The following MPPED1 variants were observed in gnomAD, a reference collection of about 807,000 sequenced individuals.
MPPED1 encodes the protein metallophosphoesterase domain-containing protein 1.
A neutral mutation model predicts 36.2 loss-of-function variants in MPPED1; 16 were observed. The observed-to-expected ratio is 0.44, with a 90% CI of 0.30 to 0.67. The LOEUF (loss-of-function observed/expected upper bound fraction) is 0.67. MPPED1 is among the 30% of genes least tolerant of loss of function. The probability of loss-of-function intolerance (pLI) is 0.10; values close to 1 mark genes in which losing one functional copy is unlikely to be tolerated. For synonymous variants in MPPED1, 199 were observed against 191.3 expected (o/e 1.04, Z -0.33); for missense variants, 307 against 453.4 (o/e 0.68, Z 2.93).
intron 4 of MPPED1, among the ~76,000 whole-genome samples, chr22:43,494,049 T>C (rs1351410696): frequency 2.0e-5 from 3 of 152,142 alleles, no homozygotes; most frequent in Non-Finnish European, 2.9e-5. Flanking sequence ...GCTGCTTTAT[T>C]TTGAGACAGG....
intron 2 of MPPED1, among the ~76,000 whole-genome samples, chr22:43,433,542 G>A (rs184469065): frequency 1.3e-5 from 2 of 150,756 alleles, no homozygotes; most frequent in African/African-American, 4.9e-5. Flanking sequence ...TCCTCCCAGC[G>A]TAGACCAGCT....
At chr22:43,433,760 GAAA>G (rs135072) in intron 2 of MPPED1, among the ~76,000 whole-genome samples, 5 of 149,924 alleles carry the variant, frequency 3.3e-5, no homozygotes, top group African/African-American at 9.8e-5. Flanking sequence ...TATATTGTCT[GAAA>G]AAAAAAAAAG....
intron 4 of MPPED1, among the ~76,000 whole-genome samples, chr22:43,483,343 G>A (rs1931808859): frequency 6.6e-6 from 1 of 152,240 alleles, no homozygotes; most frequent in Non-Finnish European, 1.5e-5. Context: ...AGCTGTCACT[G>A]CAGATGGGTG....
chr22:43,500,224 TGGA>T (rs1322235900), intron 5 of MPPED1, among the ~76,000 whole-genome samples: 6 of 90,004 alleles, frequency 6.7e-5, no homozygotes, highest in Non-Finnish European at 9.0e-5. Flanking sequence ...GGGGTGATGG[TGGA>T]GGTGGTGATG....
At chr22:43,492,894 T>A (rs964636675) in intron 4 of MPPED1, among the ~76,000 whole-genome samples, 1 of 152,152 alleles carries the variant, frequency 6.6e-6, no homozygotes, top group Non-Finnish European at 1.5e-5. Context: ...GGGGGATCGG[T>A]TTCAGCTTTG....
chr22:43,500,200 T>TGGTG (rs1569091709), intron 5 of MPPED1, among the ~76,000 whole-genome samples: 19 of 48,836 alleles, frequency 3.9e-4, no homozygotes, highest in South Asian at 1.8e-3. Context: ...ATGGAGGTGG[T>TGGTG]AATGGAGGTG....
chr22:43,444,282 GTGT>G (rs1930255026), intron 3 of MPPED1, among the ~76,000 whole-genome samples: 18 of 13,608 alleles, frequency 1.3e-3, no homozygotes, highest in African/African-American at 1.7e-3. Flanking sequence ...CCACTGGGGT[GTGT>G]GTGTGTGTGT....
At chr22:43,444,447 A>G (rs1014946805) in intron 3 of MPPED1, among the ~76,000 whole-genome samples, 2 of 144,472 alleles carry the variant, frequency 1.4e-5, no homozygotes, top group African/African-American at 5.1e-5. Flanking sequence ...GCTCACTGCA[A>G]CCTCCCCCTC....
intron 1 of MPPED1, 69 bp downstream of exon 1, chr22:43,412,227 C>G (rs1388418595): frequency 1.1e-6 from 1 of 880,954 alleles, no homozygotes; most frequent in Non-Finnish European, 1.4e-6. Flanking sequence ...CGGCCGGGAC[C>G]CTCTCCAGGC....
intron 1 of MPPED1, among the ~76,000 whole-genome samples, chr22:43,412,640 A>G (rs1452178249): frequency 6.8e-6 from 1 of 147,804 alleles, no homozygotes; most frequent in East Asian, 2.0e-4. Flanking sequence ...AACTTCATCC[A>G]TTTCCTTCCA....
At chr22:43,441,396 A>C (rs1930144092) in intron 3 of MPPED1, among the ~76,000 whole-genome samples, 1 of 152,122 alleles carries the variant, frequency 6.6e-6, no homozygotes. Context: ...TCTGTGTGCC[A>C]GCCTACTGGC....
chr22:43,492,051 G>A (rs568631721), intron 4 of MPPED1, among the ~76,000 whole-genome samples: 1 of 151,776 alleles, frequency 6.6e-6, no homozygotes, highest in African/African-American at 2.4e-5. Context: ...GGTGGTGATG[G>A]AGGTGGTGCT....
intron 1 of MPPED1, among the ~76,000 whole-genome samples, chr22:43,424,309 T>C (rs914269064): frequency 6.6e-6 from 1 of 152,188 alleles, no homozygotes; most frequent in Non-Finnish European, 1.5e-5. Flanking sequence ...TGTGACCATC[T>C]ATGTCTGGGA....
chr22:43,485,265 C>T (rs538778327), intron 4 of MPPED1, among the ~76,000 whole-genome samples: 1 of 152,198 alleles, frequency 6.6e-6, no homozygotes, highest in African/African-American at 2.4e-5. Flanking sequence ...TTCACACACA[C>T]ATCCACACGC....
intron 3 of MPPED1, among the ~76,000 whole-genome samples, chr22:43,440,875 G>A (rs1256579691): frequency 6.6e-6 from 1 of 152,114 alleles, no homozygotes; most frequent in East Asian, 1.9e-4. Flanking sequence ...TGTGGGTTCT[G>A]CCACAGGCTC....
chr22:43,413,469 G>A (rs1189043216), intron 1 of MPPED1, among the ~76,000 whole-genome samples: 3 of 152,218 alleles, frequency 2.0e-5, no homozygotes, highest in Non-Finnish European at 4.4e-5. Flanking sequence ...ACGTCCAGTC[G>A]GAAGCCAGAT....
At chr22:43,475,991 G>T (rs1048946485) in intron 4 of MPPED1, among the ~76,000 whole-genome samples, 5 of 97,846 alleles carry the variant, frequency 5.1e-5, no homozygotes, top group Non-Finnish European at 1.2e-4. Context: ...GGTAGTGATG[G>T]TGGTGATGAT....
At chr22:43,417,057 G>A in intron 1 of MPPED1, 1 of 976,370 alleles carries the variant, frequency 1.0e-6, no homozygotes, top group Non-Finnish European at 1.2e-6. Context: ...GTACATAATT[G>A]GAAAATGAAG....
chr22:43,491,661 GTGA>G (rs1189974779), intron 4 of MPPED1, among the ~76,000 whole-genome samples: 26 of 146,814 alleles, frequency 1.8e-4, no homozygotes, highest in Admixed American at 4.7e-4. Context: ...GGAGGTGGTG[GTGA>G]TGGTGATGGA....
Sources: allele counts gnomAD v4.1 joint callset (sites outside exome capture counted in the v4.1 genomes callset), GRCh38; gene constraint gnomAD v4.1.1; transcripts MANE v1.5; gene names NCBI Gene and HGNC (gene_info 2026-07-23, HGNC 2026-07-21).